The following DEPDC5 variants were observed in gnomAD, a reference collection of about 807,000 sequenced individuals.
The protein encoded by DEPDC5 is GATOR1 complex protein DEPDC5.
Under a neutral mutation model 217.3 loss-of-function variants are expected in DEPDC5, and 73 were observed. The ratio of observed to expected loss-of-function variants is 0.34; its 90% CI spans 0.28 to 0.41. The LOEUF is 0.41. DEPDC5 is among the 10% of genes least tolerant of loss of function. The pLI is 1.00. For synonymous variants in DEPDC5, 733 were observed against 756.7 expected (o/e 0.97, Z 0.51); for missense variants, 1,675 against 2,070.1 (o/e 0.81, Z 3.70).
intron 38 of DEPDC5, among the ~76,000 whole-genome samples, chr22:31,889,869 A>G (rs2093402889): frequency 1.3e-5 from 2 of 152,194 alleles, no homozygotes; most frequent in South Asian, 4.1e-4. Flanking sequence ...TGGCAGTATC[A>G]GGAATCCATA....
At chr22:31,758,701 G>A in intron 3 of DEPDC5, 68 bp downstream of exon 3, 1 of 1,437,476 alleles carries the variant, frequency 7.0e-7, no homozygotes, top group Non-Finnish European at 9.8e-7. Flanking sequence ...AAGGCAGATA[G>A]CTCTCTTTGC....
intron 31 of DEPDC5, among the ~76,000 whole-genome samples, chr22:31,847,188 A>T (rs1478341815): frequency 6.6e-6 from 1 of 152,248 alleles, no homozygotes; most frequent in Non-Finnish European, 1.5e-5. Flanking sequence ...TTTTAATTAC[A>T]GACTCATTTA....
chr22:31,786,072 C>T (rs118013434), intron 10 of DEPDC5, among the ~76,000 whole-genome samples: 7 of 151,876 alleles, frequency 4.6e-5, no homozygotes, highest in South Asian at 4.2e-4. Flanking sequence ...GTCTGGCCAA[C>T]GTCATGAAAC....
At position 31,843,215 on chromosome 22, in the gene DEPDC5, G is replaced by A. The variant is rs2091504417; in HGVS notation, c.2633+3G>A. 6.2e-7 allele frequency: 1 copy of A among 1,612,652 alleles called. No individual in the cohort carries two copies. The highest frequency in any genetic ancestry group is 8.5e-7 in the Non-Finnish European group (1 of 1,179,202). ...ACAGTGACGCGATACCTTCCCAAGT[G>A]AGTATTTGGATATTTAAAGTCTTCA... On this transcript the variant is annotated splice_donor_region_variant and intron_variant, in intron 28 of 42. Transcript: ENST00000651528.
intron 27 of DEPDC5, among the ~76,000 whole-genome samples, chr22:31,840,705 A>G (rs1359461363): frequency 6.6e-6 from 1 of 152,098 alleles, no homozygotes; most frequent in African/African-American, 2.4e-5. Flanking sequence ...TAATCTCTCT[A>G]ATTTCTATAG....
chr22:31,774,348 C>T (rs934759915), intron 7 of DEPDC5, among the ~76,000 whole-genome samples: 6 of 151,656 alleles, frequency 4.0e-5, no homozygotes, highest in African/African-American at 1.2e-4. Flanking sequence ...CACAGGCACC[C>T]GCCACCATGC....
intron 24 of DEPDC5, among the ~76,000 whole-genome samples, chr22:31,830,579 A>T (rs911898498): frequency 1.3e-5 from 2 of 152,022 alleles, no homozygotes; most frequent in African/African-American, 4.8e-5. Context: ...TAAAAGCATA[A>T]TAGCTTCCTG....
At chr22:31,764,881 G>T in intron 4 of DEPDC5, 94 bp from the exon 5 acceptor site, 1 of 871,126 alleles carries the variant, frequency 1.1e-6, no homozygotes, top group Non-Finnish European at 1.9e-6. Flanking sequence ...ATGATCAATT[G>T]TGTTGCTTAC....
intron 37 of DEPDC5, among the ~76,000 whole-genome samples, chr22:31,879,043 A>AAAAAAAAAAAT (rs763615141): frequency 5.9e-5 from 7 of 119,474 alleles, no homozygotes; most frequent in South Asian, 2.8e-4. Context: ...AAAAAAAAAA[A>AAAAAAAAAAAT]ATATATATAT....
At chr22:31,889,572 C>G (rs1163350574) in intron 38 of DEPDC5, among the ~76,000 whole-genome samples, 1 of 121,158 alleles carries the variant, frequency 8.3e-6, no homozygotes, top group Non-Finnish European at 1.6e-5. Context: ...TTTTTCCAGA[C>G]AGAGTCTCGC....
In DEPDC5 at chr22:31,855,462, C is replaced by T. The variant is rs141821151; in HGVS notation, c.3156-1983C>T. Among the ~76,000 whole-genome samples, 269 of 151,228 alleles carry T rather than the reference C, an allele frequency of 1.8e-3. 3 individuals are homozygous for T. Among genetic ancestry groups the T allele is most frequent in the Admixed American group, 0.015 (224 of 15,176 alleles). ...CGCGATATCGGCTCATTGCAAGTGC[C>T]GCTTCCCAGGTTCACGCCATTCTCC... On this transcript the variant is annotated intron_variant, in intron 31 of 42. Transcript: ENST00000651528.
intron 32 of DEPDC5, among the ~76,000 whole-genome samples, chr22:31,859,803 A>G (rs992913658): frequency 2.6e-5 from 4 of 152,316 alleles, no homozygotes; most frequent in Admixed American, 2.6e-4. Context: ...ATTAGGTACC[A>G]AGGACAGTCT....
At chr22:31,776,048 A>G (rs2083816150) in intron 7 of DEPDC5, among the ~76,000 whole-genome samples, 1 of 151,158 alleles carries the variant, frequency 6.6e-6, no homozygotes, top group Non-Finnish European at 1.5e-5. Flanking sequence ...CTCAAAAAAA[A>G]AAAAAAAAAA....
intron 38 of DEPDC5, chr22:31,891,519 AT>A (rs1310102800): frequency 5.4e-6 from 1 of 185,762 alleles, no homozygotes; most frequent in Non-Finnish European, 1.1e-5. Flanking sequence ...CCTGAATGCC[AT>A]TAGTGACCTA....
intron 38 of DEPDC5, among the ~76,000 whole-genome samples, chr22:31,883,849 C>T (rs1333296609): frequency 1.3e-5 from 2 of 152,190 alleles, no homozygotes; most frequent in African/African-American, 2.4e-5. Context: ...TGATGAGGGA[C>T]ACTCAGGTCC....
At chr22:31,893,487 G>A in intron 38 of DEPDC5, 95 bp from the exon 39 acceptor site, 4 of 1,288,096 alleles carry the variant, frequency 3.1e-6, no homozygotes, top group Non-Finnish European at 4.1e-6. Context: ...TTAGGCACTT[G>A]TATATAGTTT....
intron 26 of DEPDC5, among the ~76,000 whole-genome samples, chr22:31,837,542 C>T (rs146197751): frequency 6.6e-6 from 1 of 151,868 alleles, no homozygotes; most frequent in East Asian, 1.9e-4. Flanking sequence ...TTTATAAAGA[C>T]GCTATTTTGC....
intron 10 of DEPDC5, among the ~76,000 whole-genome samples, chr22:31,788,925 C>T (rs1036293658): frequency 1.3e-4 from 20 of 152,094 alleles, no homozygotes; most frequent in African/African-American, 4.6e-4. Flanking sequence ...CAGTCTCGCT[C>T]TGTCGCCCAG....
Position 31,906,773 on chromosome 22 carries a change from T to C in DEPDC5, c.*276T>C. 1 of 531,498 alleles carries C rather than the reference T, an allele frequency of 1.9e-6. No homozygotes were observed. Among genetic ancestry groups the C allele is most frequent in the East Asian group, 3.2e-5 (1 of 31,404 alleles). 32.9% of individuals were successfully genotyped at this position (531,498 alleles called of 1,614,324 possible). Reference sequence around the variant, plus strand: ...GCAGGTGGGAGGCACAGATTGTCCGTGGGAGGGCTCCAGTGTCTGGGAAGA... The same window carrying C: ...GCAGGTGGGAGGCACAGATTGTCCGCGGGAGGGCTCCAGTGTCTGGGAAGA... On this transcript the variant is annotated 3_prime_UTR_variant, in exon 43 of 43. Transcript: ENST00000651528. This position sits in a 1 kb window ranked among gnomAD's most constrained non-coding sequence, Gnocchi z 5.1.
Sources: gnomAD v4.1 joint callset for allele counts (sites outside exome capture counted in the v4.1 genomes callset) on GRCh38, gnomAD v4.1.1 for gene constraint, Gnocchi (gnomAD v3.1) non-coding constraint, MANE v1.5 for transcripts, NCBI Gene and HGNC (gene_info 2026-07-23, HGNC 2026-07-21) for gene names.